HELB: variants seen among roughly 807,000 people sequenced by gnomAD.
The protein encoded by HELB is DNA helicase B, also known as DNA 5'-3' helicase B.
Under a neutral mutation model 101.7 loss-of-function variants are expected in HELB, and 96 were observed. The ratio of observed to expected loss-of-function variants is 0.94; its 90% CI spans 0.80 to 1.12. The LOEUF (loss-of-function observed/expected upper bound fraction) is 1.12, where lower values mean the gene tolerates loss of function less well. Ranked by LOEUF, HELB falls within the 50% of genes most tolerant of loss-of-function variation. The pLI, the probability that HELB is intolerant of heterozygous loss-of-function variation, is 0.00. For synonymous variants in HELB, 437 were observed against 459.7 expected (o/e 0.95, Z 0.63); for missense variants, 1,210 against 1,291.9 (o/e 0.94, Z 0.97).
In HELB at chr12:66,326,770, G is replaced by A. The variant is rs2053743431; in HGVS notation, c.2670+1644G>A. Among the ~76,000 whole-genome samples the A allele has an allele frequency of 6.7e-5, 10 of 149,296 alleles. No individual in the cohort carries two copies. The South Asian group carries it at 1.5e-3, about 22-fold the overall frequency. On this transcript the variant is annotated intron_variant, in intron 11 of 12. Transcript: ENST00000247815. ...AAAAGGGTCTGGTGTGGTGGCTCAC[G>A]CTTGTAATCCCAGCACTTTGGGAGG...
chr12:66,333,398 C>T (rs779134677), intron 12 of HELB, among the ~76,000 whole-genome samples: 3 of 152,100 alleles, frequency 2.0e-5, no homozygotes, highest in Non-Finnish European at 4.4e-5. Flanking sequence ...AAGAGGAAGG[C>T]AGGTTGGCCT....
intron 1 of HELB, among the ~76,000 whole-genome samples, chr12:66,304,470 A>G (rs1328671909): frequency 3.3e-5 from 5 of 152,228 alleles, no homozygotes; most frequent in African/African-American, 1.2e-4. Flanking sequence ...GAGGAACAGC[A>G]GACACCTGCT....
rs754623133 is a variant in HELB at position 66,304,915 on chromosome 12, A to G, written c.372A>G (p.Lys124=). 5.6e-6 allele frequency: 9 copies of G among 1,614,010 alleles called. No homozygotes were observed. The highest frequency in any genetic ancestry group is 5.9e-6 in the Non-Finnish European group (7 of 1,180,008). Residue 124 remains lysine (K), a synonymous_variant, in exon 2 of 13, where the codon AAA becomes AAG. Transcript: ENST00000247815. ...CTGATATGTCACCACCAAATCAAAA[A>G]CATATCTGTGCTCTCTTTCTTAAAG... ...LQSDMSPPNQ[K]HICALFLKEC...
chr12:66,320,048 A>G (rs2053653459), intron 7 of HELB, among the ~76,000 whole-genome samples: 2 of 152,030 alleles, frequency 1.3e-5, no homozygotes, highest in Admixed American at 1.3e-4. Flanking sequence ...TGGGAAACAG[A>G]TAATTAAAAA....
intron 11 of HELB, among the ~76,000 whole-genome samples, chr12:66,327,165 G>A (rs112976449): frequency 7.4e-5 from 11 of 149,320 alleles, no homozygotes; most frequent in East Asian, 2.0e-4. Context: ...AGCCATGCCC[G>A]CTTCCCTGTT....
chr12:66,307,865 G>C (rs1371880424), intron 3 of HELB, among the ~76,000 whole-genome samples: 8 of 151,414 alleles, frequency 5.3e-5, no homozygotes, highest in African/African-American at 1.9e-4. Flanking sequence ...CGAATAGCTG[G>C]GATTACAGGC....
chr12:66,310,181 T>C lies in HELB; in HGVS notation c.1253T>C (p.Val418Ala), dbSNP rs2053525333. The C allele has an allele frequency of 6.2e-7, 1 of 1,614,138 alleles. No individual in the cohort carries two copies. ...DEVRLENPVD[V>A]VDTQDNGDHI... ...GTAAGATTAGAAAATCCTGTGGATGTTGTGGACACACAGGACAATGGTGAC... is the reference window on the plus strand; with the variant it reads ...GTAAGATTAGAAAATCCTGTGGATGCTGTGGACACACAGGACAATGGTGAC... The change falls in exon 4 of 13, where the codon GTT (valine) becomes GCT (alanine). Residue 418 changes from valine (V) to alanine (A), a missense_variant. Transcript: ENST00000247815.
At chr12:66,306,255 A>T in intron 2 of HELB, 90 bp from the exon 3 acceptor site, 1 of 1,001,830 alleles carries the variant, frequency 1.0e-6, no homozygotes, top group Non-Finnish European at 1.4e-6. Flanking sequence ...GGGTTTCTTG[A>T]ATCGGTTGTG....
intron 9 of HELB, among the ~76,000 whole-genome samples, chr12:66,323,441 G>A (rs2053697293): frequency 6.6e-6 from 1 of 152,110 alleles, no homozygotes; most frequent in Non-Finnish European, 1.5e-5. Flanking sequence ...AAGCGGGTAT[G>A]GACACAGAAT....
At chr12:66,330,827 A>G (rs955935985) in intron 11 of HELB, among the ~76,000 whole-genome samples, 2 of 151,790 alleles carry the variant, frequency 1.3e-5, no homozygotes, top group African/African-American at 4.8e-5. Context: ...ATAATGGGTT[A>G]ACACATTTAC....
chr12:66,308,043 TAA>T (rs10686380), intron 3 of HELB, among the ~76,000 whole-genome samples: 37 of 108,006 alleles, frequency 3.4e-4, no homozygotes, highest in Admixed American at 5.2e-4. Flanking sequence ...CTACCTCCTC[TAA>T]AAAAAAAAAA....
At chr12:66,336,171 G>C (rs1050570291) in intron 12 of HELB, among the ~76,000 whole-genome samples, 1 of 152,118 alleles carries the variant, frequency 6.6e-6, no homozygotes, top group Non-Finnish European at 1.5e-5. Flanking sequence ...TGTTCTTTCA[G>C]GTTGTACTGA....
chr12:66,307,759 T>C (rs1226557404), intron 3 of HELB, among the ~76,000 whole-genome samples: 1 of 151,620 alleles, frequency 6.6e-6, no homozygotes, highest in African/African-American at 2.4e-5. Context: ...CTTTTCTTTT[T>C]TTTTTTTTCC....
chr12:66,314,289 C>A, intron 5 of HELB, 126 bp downstream of exon 5: 1 of 857,856 alleles, frequency 1.2e-6, no homozygotes, highest in Non-Finnish European at 1.8e-6. Flanking sequence ...GATACCAAAG[C>A]TACATGAAAT....
Position 66,310,133 on chromosome 12 carries a change from T to A in HELB, c.1205T>A (p.Leu402Ter). The change falls in exon 4 of 13, where the codon TTG becomes TAG. Residue 402 changes from leucine (L) to a stop codon, truncating the protein, a stop_gained. Transcript: ENST00000247815. LOFTEE classifies it high-confidence loss of function. ...TKPENSSDDALNESKPDEVRL... is the reference protein window; with the variant it reads ...TKPENSSDDA ...CCTGAGAATTCAAGCGATGATGCAT[T>A]GAATGAGAGCAAACCTGATGAAGTA... 1 of 1,614,214 alleles carries A rather than the reference T, an allele frequency of 6.2e-7. No homozygotes were observed. Among genetic ancestry groups the A allele is most frequent in the Admixed American group, 1.7e-5 (1 of 60,032 alleles).
chr12:66,328,114 A>G (rs1162935242), intron 11 of HELB, among the ~76,000 whole-genome samples: 1 of 152,132 alleles, frequency 6.6e-6, no homozygotes, highest in East Asian at 1.9e-4. Flanking sequence ...GAAAATTAAT[A>G]TGAGGTAAAG....
At chr12:66,323,781 C>A (rs1214578404) in intron 9 of HELB, among the ~76,000 whole-genome samples, 1 of 152,158 alleles carries the variant, frequency 6.6e-6, no homozygotes, top group Admixed American at 6.5e-5. Flanking sequence ...GAGTTTGAGA[C>A]GTTGCAGGGA....
downstream of HELB, chr12:66,340,164 C>G (rs1359543708): frequency 1.3e-5 from 2 of 152,112 alleles, no homozygotes; most frequent in African/African-American, 2.4e-5. Flanking sequence ...CATATGGTAA[C>G]TCTATGTTTA....
chr12:66,316,560 T>C (rs2053607305), intron 6 of HELB, among the ~76,000 whole-genome samples: 1 of 113,320 alleles, frequency 8.8e-6, no homozygotes, highest in African/African-American at 4.1e-5. Flanking sequence ...TGATAGCTGA[T>C]AAGCTAAAAT....
Sources: allele counts gnomAD v4.1 joint callset (sites outside exome capture counted in the v4.1 genomes callset), GRCh38; gene constraint gnomAD v4.1.1; transcripts MANE v1.5; gene names NCBI Gene and HGNC (gene_info 2026-07-23, HGNC 2026-07-21).